Variants in SPATS2 observed in about 807,000 individuals in gnomAD.
SPATS2 encodes the protein spermatogenesis-associated serine-rich protein 2.
SPATS2 carries 38 observed loss-of-function variants against 63.7 expected under a neutral mutation model. The ratio of observed to expected loss-of-function variants is 0.60; its 90% CI spans 0.46 to 0.78. The LOEUF (loss-of-function observed/expected upper bound fraction) is 0.78, where lower values mean the gene tolerates loss of function less well. SPATS2 is among the 30% of genes least tolerant of loss of function. The pLI is 0.00. For synonymous variants in SPATS2, 207 were observed against 232.9 expected (o/e 0.89, Z 1.01); for missense variants, 588 against 666.2 (o/e 0.88, Z 1.29).
chr12:49,372,551 T>A (rs1235176328), intron 2 of SPATS2, among the ~76,000 whole-genome samples: 1 of 152,224 alleles, frequency 6.6e-6, no homozygotes, highest in Non-Finnish European at 1.5e-5. Context: ...TATGTGCAAA[T>A]ATGAATGATC....
At chr12:49,507,660 A>G (rs1014272357) in intron 9 of SPATS2, among the ~76,000 whole-genome samples, 1 of 152,166 alleles carries the variant, frequency 6.6e-6, no homozygotes, top group Admixed American at 6.6e-5. Flanking sequence ...ATGTATATTC[A>G]TACATATTCT....
chr12:49,503,648 CAAAAA>C (rs147728331), intron 9 of SPATS2, among the ~76,000 whole-genome samples: 2 of 139,260 alleles, frequency 1.4e-5, no homozygotes, highest in Admixed American at 7.4e-5. Flanking sequence ...GACTCCATCT[CAAAAA>C]AAAAAAAGAA....
intron 2 of SPATS2, among the ~76,000 whole-genome samples, chr12:49,442,810 A>AAAAC (rs1945445898): frequency 7.0e-6 from 1 of 143,856 alleles, no homozygotes; most frequent in South Asian, 2.2e-4. Flanking sequence ...AAAAAAAAAA[A>AAAAC]AAAAAAAAAA....
At position 49,519,981 on chromosome 12, in the gene SPATS2, A is replaced by AT. The variant is rs747590338; in HGVS notation, c.1008+814dup. Among the ~76,000 whole-genome samples the AT allele has an allele frequency of 2.1e-3, 292 of 138,466 alleles. 3 individuals are homozygous for AT. Among genetic ancestry groups the AT allele is most frequent in the Middle Eastern group, 7.6e-3 (2 of 264 alleles). 90.8% of individuals were successfully genotyped at this position (138,466 alleles called of 152,430 possible). ...AGGCGCCTGCCACCACGCCTGGCTAATTTTTTTTTTTTTTTGATTCGGAGT... is the reference window on the plus strand; with the variant it reads ...AGGCGCCTGCCACCACGCCTGGCTAATTTTTTTTTTTTTTTTGATTCGGAGT... On this transcript the variant is annotated intron_variant, in intron 11 of 13. Transcript: ENST00000552918.
chr12:49,500,032 C>CTT (rs71812288), intron 8 of SPATS2, 38 bp from the exon 9 acceptor site: 5,138 of 1,112,390 alleles, frequency 4.6e-3, no homozygotes, highest in African/African-American at 9.9e-3. Flanking sequence ...TATAATTATT[C>CTT]TTTTTTTTTT....
At chr12:49,512,567 A>G (rs1458531942) in intron 9 of SPATS2, among the ~76,000 whole-genome samples, 2 of 152,200 alleles carry the variant, frequency 1.3e-5, no homozygotes, top group African/African-American at 4.8e-5. Context: ...AAAAAATGCT[A>G]TCAGAATGTA....
At chr12:49,370,044 G>A (rs1190922104) in intron 1 of SPATS2, among the ~76,000 whole-genome samples, 2 of 152,178 alleles carry the variant, frequency 1.3e-5, no homozygotes, top group East Asian at 3.8e-4. Flanking sequence ...CATGAGCATA[G>A]CCCCTGGAGG....
At chr12:49,386,973 G>A (rs1944328083) in intron 2 of SPATS2, 1 of 152,206 alleles carries the variant, frequency 6.6e-6, no homozygotes, top group African/African-American at 2.4e-5. Flanking sequence ...TAAGATAGTA[G>A]TGTAGAAGGT....
intron 2 of SPATS2, among the ~76,000 whole-genome samples, chr12:49,422,910 T>TA (rs879413152): frequency 3.5e-4 from 51 of 145,820 alleles, no homozygotes; most frequent in Middle Eastern, 3.6e-3. Flanking sequence ...AGACCCTATT[T>TA]AAAAAAAAAA....
chr12:49,507,608 C>T (rs1343599495), intron 9 of SPATS2, among the ~76,000 whole-genome samples: 3 of 152,168 alleles, frequency 2.0e-5, no homozygotes, highest in African/African-American at 4.8e-5. Context: ...ACCACCTTAA[C>T]ACATAAGTAA....
chr12:49,391,089 C>A (rs1352297539), intron 2 of SPATS2, among the ~76,000 whole-genome samples: 2 of 151,668 alleles, frequency 1.3e-5, no homozygotes, highest in Non-Finnish European at 2.9e-5. Context: ...AAAAAAAATT[C>A]TGGATCTGTT....
chr12:49,456,306 G>C (rs1187705607), intron 2 of SPATS2, among the ~76,000 whole-genome samples: 1 of 152,190 alleles, frequency 6.6e-6, no homozygotes, highest in Non-Finnish European at 1.5e-5. Flanking sequence ...GATTGAGGAA[G>C]TATTCCATGT....
At chr12:49,397,665 A>C (rs1182290635) in intron 2 of SPATS2, among the ~76,000 whole-genome samples, 2 of 151,628 alleles carry the variant, frequency 1.3e-5, no homozygotes, top group Non-Finnish European at 2.9e-5. Flanking sequence ...CTATCTCTAC[A>C]AAAAATAAAA....
At chr12:49,462,256 C>T (rs1334648362) in intron 3 of SPATS2, 1 of 702,012 alleles carries the variant, frequency 1.4e-6, no homozygotes, top group Non-Finnish European at 2.6e-6. Context: ...CTCAGCCTGC[C>T]TCTCTCAACT....
At position 49,450,793 on chromosome 12, in the gene SPATS2, C is replaced by T. The variant is rs532205077; in HGVS notation, c.-243-9977C>T. ...TCCTGACCTCAGGTGATCCACCTGC[C>T]TTGGCCTCCCGAAGTGCTGGAATTA... On this transcript the variant is annotated intron_variant, in intron 2 of 13. Transcript: ENST00000552918. Among the ~76,000 whole-genome samples the T allele has an allele frequency of 1.7e-3, 261 of 152,168 alleles. 1 individual carries two copies. Among genetic ancestry groups the T allele is most frequent in the African/African-American group, 5.9e-3 (245 of 41,508 alleles).
At chr12:49,467,721 C>T (rs1592428133) in intron 3 of SPATS2, among the ~76,000 whole-genome samples, 1 of 151,664 alleles carries the variant, frequency 6.6e-6, no homozygotes, top group Admixed American at 6.6e-5. Context: ...TTTTTTGAGA[C>T]GGAGTCTCGC....
intron 3 of SPATS2, among the ~76,000 whole-genome samples, chr12:49,482,451 G>C (rs563153288): frequency 1.3e-5 from 2 of 152,230 alleles, no homozygotes; most frequent in South Asian, 4.1e-4. Context: ...AAAAATAAAA[G>C]GGCCCTTTCT....
At chr12:49,383,428 T>C (rs77460882) in intron 2 of SPATS2, among the ~76,000 whole-genome samples, 13,995 of 152,132 alleles carry the variant, frequency 0.092, 750 homozygotes, top group African/African-American at 0.14. Flanking sequence ...ATTTATTTTT[T>C]GAGACACGGT....
chr12:49,460,951 A>G lies in SPATS2; in HGVS notation c.-62A>G. On this transcript the variant is annotated 5_prime_UTR_variant, in exon 3 of 14. Coordinates refer to ENST00000552918, the MANE Select transcript of SPATS2 (RefSeq NM_023071.4). Reference sequence around the variant, plus strand: ...TTTTAAATCAGAGATACCTACACTCAAAACCCAGACAAGGCAAAAGGATAC... The same window carrying G: ...TTTTAAATCAGAGATACCTACACTCGAAACCCAGACAAGGCAAAAGGATAC... 6.2e-7 allele frequency: 1 copy of G among 1,603,562 alleles called. No individual in the cohort carries two copies. Among genetic ancestry groups the G allele is most frequent in the Non-Finnish European group, 8.5e-7 (1 of 1,172,402 alleles).
Sources: allele counts gnomAD v4.1 joint callset (sites outside exome capture counted in the v4.1 genomes callset), GRCh38; gene constraint gnomAD v4.1.1; transcripts MANE v1.5; gene names NCBI Gene and HGNC (gene_info 2026-07-23, HGNC 2026-07-21).